The following NTMT1 variants were observed in gnomAD, a reference collection of about 807,000 sequenced individuals.
The protein encoded by NTMT1 is N-terminal RCC1 methyltransferase.
In NTMT1, 8 loss-of-function variants were observed where a neutral mutation model predicts 17.5. The observed-to-expected ratio is 0.46, with a 90% CI of 0.27 to 0.82. The LOEUF is 0.82. Among genes scored for constraint, NTMT1 ranks in the 40% least tolerant of loss-of-function variants. NTMT1 has a pLI of 0.15. For synonymous variants in NTMT1, 128 were observed against 126.8 expected (o/e 1.01, Z -0.06); for missense variants, 221 against 303.5 (o/e 0.73, Z 2.02).
chr9:129,616,434 C>T (rs1187082249), intron 1 of NTMT1, among the ~76,000 whole-genome samples: 1 of 152,006 alleles, frequency 6.6e-6, no homozygotes, highest in African/African-American at 2.4e-5. Context: ...CAGGGTGGTC[C>T]CGAACGCCTG....
In NTMT1 at chr9:129,634,309, G is replaced by A. The variant is rs112371037; in HGVS notation, c.415+3G>A. On this transcript the variant is annotated splice_donor_region_variant and intron_variant, in intron 3 of 3. Coordinates refer to ENST00000372483, the MANE Select transcript of NTMT1 (RefSeq NM_014064.4). ...GATCTGGATCCAGTGGGTGATAGGT[G>A]AGGGTTCCACCGCCCTTCCCTGCTC... 32 of 1,592,048 alleles carry A rather than the reference G, an allele frequency of 2.0e-5. No individual in the cohort carries two copies. Among genetic ancestry groups the A allele is most frequent in the Non-Finnish European group, 2.7e-5 (32 of 1,166,676 alleles).
chr9:129,611,051 C>G (rs1310538), intron 1 of NTMT1, among the ~76,000 whole-genome samples: 72,581 of 151,984 alleles, frequency 0.48, 18,609 homozygotes, highest in African/African-American at 0.68. Flanking sequence ...TCTAAACTAA[C>G]CCTAGCTCTA....
At chr9:129,621,947 TGGGCCGCTTCA>T (rs935091456), upstream of NTMT1, among the ~76,000 whole-genome samples, 3 of 152,218 alleles carry the variant, frequency 2.0e-5, no homozygotes, top group African/African-American at 7.2e-5. Context: ...CGGCTGCCTC[TGGGCCGCTTCA>T]GGGTCATTGT....
At position 129,631,836 on chromosome 9, in the gene NTMT1, G is replaced by A. The variant is rs145086801; in HGVS notation, c.-54-814G>A. On this transcript the variant is annotated intron_variant, in intron 1 of 3. Coordinates refer to ENST00000372483, the MANE Select transcript of NTMT1 (RefSeq NM_014064.4). ...GCACCCGACTCCACTTCCTCCCTCC[G>A]TGCTCTGCTGGCACTGGCGCTTCTC... Among the ~76,000 whole-genome samples, 205 of 152,222 alleles carry A rather than the reference G, an allele frequency of 1.3e-3. 1 individual carries two copies. The highest frequency in any genetic ancestry group is 4.8e-3 in the African/African-American group (198 of 41,534).
chr9:129,620,371 C>T lies in NTMT1; in HGVS notation c.-55+11193C>T, dbSNP rs1588125371. On this transcript the variant is annotated intron_variant, in intron 1 of 3. Transcript: ENST00000372486. The surrounding 1 kb of genome is among the most constrained non-coding windows in gnomAD (Gnocchi z 5.8). ...GGAGGCGTCCGACGCCCACCCCGGG[C>T]TTGGCGTCCCCTTCCGGCCACCACG... 8.1e-7 allele frequency: 1 copy of T among 1,228,564 alleles called. No individual in the cohort carries two copies. The highest frequency in any genetic ancestry group is 1.0e-6 in the Non-Finnish European group (1 of 986,260). 76.1% of individuals were successfully genotyped at this position (1,228,564 alleles called of 1,614,324 possible).
intron 3 of NTMT1, 64 bp downstream of exon 3, chr9:129,634,370 G>C (rs966775664): frequency 4.3e-5 from 66 of 1,538,378 alleles, no homozygotes; most frequent in Non-Finnish European, 5.7e-5. Flanking sequence ...TTCCCCATAA[G>C]GTGTCAGGAC....
In NTMT1 at chr9:129,620,859, C is replaced by T; in HGVS notation, c.-55+11681C>T. 2.9e-6 allele frequency: 1 copy of T among 342,294 alleles called. No individual in the cohort carries two copies. The allele number at this position is 342,294 out of a possible 1,614,324, so 21.2% of individuals were successfully genotyped here. A position where few individuals can be genotyped will look rare whatever the true frequency, so the allele number is the denominator to read the frequency against. On this transcript the variant is annotated intron_variant, in intron 1 of 3. Transcript: ENST00000372486. The surrounding 1 kb of genome is among the most constrained non-coding windows in gnomAD (Gnocchi z 5.8). ...CATGCCAGTCTTAGAACAGCAAGCT[C>T]GGTACAGTGCCAGGCACGCTGGCCA...
chr9:129,634,350 G>C, intron 3 of NTMT1, 44 bp downstream of exon 3: 1 of 1,549,520 alleles, frequency 6.5e-7, no homozygotes, highest in Non-Finnish European at 8.7e-7. Context: ...TATGTCTCCT[G>C]CCACTCGCGT....
upstream of NTMT1, among the ~76,000 whole-genome samples, chr9:129,622,709 A>C (rs530265259): frequency 6.6e-6 from 1 of 152,158 alleles, no homozygotes; most frequent in East Asian, 1.9e-4. Flanking sequence ...TCCGTTACAC[A>C]GATCATTTGA....
At chr9:129,631,302 C>T (rs1266376826) in intron 1 of NTMT1, among the ~76,000 whole-genome samples, 1 of 152,264 alleles carries the variant, frequency 6.6e-6, no homozygotes, top group Non-Finnish European at 1.5e-5. Context: ...TGGACTAGAG[C>T]TCTCTGAGGT....
chr9:129,609,609 C>T (rs940337373), intron 1 of NTMT1, among the ~76,000 whole-genome samples: 1 of 151,094 alleles, frequency 6.6e-6, no homozygotes, highest in Non-Finnish European at 1.5e-5. Context: ...GAAAAGGGCC[C>T]TGTTGGGGCC....
chr9:129,611,160 A>C (rs1830106664), intron 1 of NTMT1, among the ~76,000 whole-genome samples: 1 of 152,206 alleles, frequency 6.6e-6, no homozygotes, highest in African/African-American at 2.4e-5. Flanking sequence ...CGCCCAGGCC[A>C]GTCCCACCGT....
chr9:129,621,072 A>G (rs1830684888), intron 1 of NTMT1, among the ~76,000 whole-genome samples: 1 of 152,358 alleles, frequency 6.6e-6, no homozygotes. Context: ...GCAGCCGTGA[A>G]ACGGCATCAC....
At chr9:129,617,134 ACT>A (rs942848669) in intron 1 of NTMT1, among the ~76,000 whole-genome samples, 1 of 152,082 alleles carries the variant, frequency 6.6e-6, no homozygotes, top group Non-Finnish European at 1.5e-5. Flanking sequence ...CCCACCTATA[ACT>A]CTGTTATGGA....
At chr9:129,609,562 C>T (rs1295753047) in intron 1 of NTMT1, among the ~76,000 whole-genome samples, 14 of 150,516 alleles carry the variant, frequency 9.3e-5, no homozygotes, top group African/African-American at 3.2e-4. Flanking sequence ...CCAAACCCCA[C>T]CCCACCCCCG....
intron 2 of NTMT1, chr9:129,633,304 A>C (rs897822676): frequency 2.9e-5 from 9 of 307,482 alleles, no homozygotes; most frequent in East Asian, 2.1e-4. Flanking sequence ...GGAGCCCCCC[A>C]CCTTCTTGTC....
Position 129,635,453 on chromosome 9 carries a change from GC to G in NTMT1, c.664del (p.Leu222Ter). 1 of 1,608,720 alleles carries G rather than the reference GC, an allele frequency of 6.2e-7. No homozygotes were observed. Among genetic ancestry groups the G allele is most frequent in the Non-Finnish European group, 8.5e-7 (1 of 1,176,334 alleles). On this transcript the variant is annotated frameshift_variant, in exon 4 of 4. Coordinates refer to ENST00000372483, the MANE Select transcript of NTMT1 (RefSeq NM_014064.4). LOFTEE classifies it high-confidence loss of function. ...TGAGATCTACCATGTCTATAGCTTT[GC>G]CCTGAGATGAGCCGGGGCTGGCAGG... ...PDEIYHVYSF[A>X]LR
In NTMT1 at chr9:129,620,534, G is replaced by T. The variant is rs1034984810; in HGVS notation, c.-55+11356G>T. 3.5e-6 allele frequency: 5 copies of T among 1,442,610 alleles called. No homozygotes were observed. The African/African-American group carries it at 7.3e-5, about 21-fold the overall frequency. The allele number at this position is 1,442,610 out of a possible 1,614,324, so 89.4% of individuals were successfully genotyped here. A position where few individuals can be genotyped will look rare whatever the true frequency, so the allele number is the denominator to read the frequency against. On this transcript the variant is annotated intron_variant, in intron 1 of 3. Coordinates refer to the NTMT1 transcript ENST00000372486. This position sits in a 1 kb window ranked among gnomAD's most constrained non-coding sequence, Gnocchi z 5.8. ...TCCGTCGCCAGGGAGCCCCTTGGGC[G>T]CCAGGTCCTGGGCCCCTGGGCGAAG...
At position 129,635,232 on chromosome 9, in the gene NTMT1, C is replaced by T; in HGVS notation, c.440C>T (p.Ala147Val). The change falls in exon 4 of 4, where the codon GCC (alanine) becomes GTC (valine). Residue 147 changes from alanine (A) to valine (V), a missense_variant. Transcript: ENST00000372483. ...VIGHLTDQHL[A>V]EFLRRCKGSL... ...GGCCACCTCACCGATCAGCACCTGG[C>T]CGAGTTCCTGCGGCGCTGCAAGGGC... The T allele has an allele frequency of 6.2e-7, 1 of 1,611,522 alleles. No homozygotes were observed. Among genetic ancestry groups the T allele is most frequent in the Non-Finnish European group, 8.5e-7 (1 of 1,179,960 alleles).
Sources: gnomAD v4.1 joint callset for allele counts (sites outside exome capture counted in the v4.1 genomes callset) on GRCh38, gnomAD v4.1.1 for gene constraint, Gnocchi (gnomAD v3.1) non-coding constraint, MANE v1.5 for transcripts, NCBI Gene and HGNC (gene_info 2026-07-23, HGNC 2026-07-21) for gene names.